PRKCA: variants seen among roughly 807,000 people sequenced by gnomAD.
PRKCA encodes the protein protein kinase C alpha type.
Under a neutral mutation model 87.0 loss-of-function variants are expected in PRKCA, and 27 were observed. That is an observed-to-expected ratio of 0.31 (90% CI 0.23 to 0.43). The LOEUF is 0.43. Ranked by LOEUF, PRKCA falls within the 20% of genes least tolerant of loss-of-function variation. The pLI is 1.00. For synonymous variants in PRKCA, 329 were observed against 311.1 expected, an observed-to-expected ratio of 1.06 and a Z score of -0.61; for missense variants, 518 against 852.3, an observed-to-expected ratio of 0.61 and a Z score of 4.88.
intron 11 of PRKCA, among the ~76,000 whole-genome samples, chr17:66,739,914 A>G (rs951050388): frequency 4.6e-5 from 7 of 152,140 alleles, no homozygotes; most frequent in South Asian, 2.1e-4. Flanking sequence ...AGAAGGAAGC[A>G]TGAAAGGAAA....
At chr17:66,393,263 T>C (rs564490238) in intron 2 of PRKCA, among the ~76,000 whole-genome samples, 24 of 152,148 alleles carry the variant, frequency 1.6e-4, no homozygotes, top group Non-Finnish European at 2.6e-4. Context: ...TGACTTTACA[T>C]TGGAGGAAGA....
intron 2 of PRKCA, among the ~76,000 whole-genome samples, chr17:66,336,467 G>A (rs745596642): frequency 6.6e-6 from 1 of 152,150 alleles, no homozygotes. Context: ...GGAGCTCAAG[G>A]AAGAAGGAAT....
chr17:66,509,399 T>G (rs1273495952), intron 3 of PRKCA, among the ~76,000 whole-genome samples: 1 of 152,044 alleles, frequency 6.6e-6, no homozygotes, highest in African/African-American at 2.4e-5. Context: ...GCAGGCAAGC[T>G]TAAGACATCA....
At chr17:66,785,452 A>G (rs1365398816) in intron 14 of PRKCA, among the ~76,000 whole-genome samples, 2 of 152,310 alleles carry the variant, frequency 1.3e-5, no homozygotes, top group Middle Eastern at 3.4e-3. Flanking sequence ...AGAAAGGAAC[A>G]TCTCAAGATT....
chr17:66,389,386 G>T (rs974467774), intron 2 of PRKCA, among the ~76,000 whole-genome samples: 1 of 152,186 alleles, frequency 6.6e-6, no homozygotes, highest in African/African-American at 2.4e-5. Flanking sequence ...CAGGCTGACC[G>T]CAGCTAGACT....
At chr17:66,407,415 T>C (rs1223983464) in intron 2 of PRKCA, among the ~76,000 whole-genome samples, 1 of 152,160 alleles carries the variant, frequency 6.6e-6, no homozygotes, top group African/African-American at 2.4e-5. Flanking sequence ...CCGGCTTTGC[T>C]TTCTGCCATG....
chr17:66,323,454 A>G (rs971895646), intron 2 of PRKCA, among the ~76,000 whole-genome samples: 1 of 152,212 alleles, frequency 6.6e-6, no homozygotes, highest in African/African-American at 2.4e-5. Flanking sequence ...AAAATGGTTT[A>G]TGTTAAATTT....
At chr17:66,608,668 G>A (rs561597045) in intron 3 of PRKCA, among the ~76,000 whole-genome samples, 4 of 152,258 alleles carry the variant, frequency 2.6e-5, no homozygotes, top group South Asian at 2.1e-4. Flanking sequence ...CGTTATGGAC[G>A]TGATGAATGA....
intron 2 of PRKCA, among the ~76,000 whole-genome samples, chr17:66,353,641 G>A (rs999524492): frequency 3.9e-5 from 6 of 152,156 alleles, no homozygotes; most frequent in Non-Finnish European, 8.8e-5. Context: ...GCTTGAACCC[G>A]GGAGGCGGAG....
chr17:66,722,765 AC>A (rs1973645929), intron 8 of PRKCA, among the ~76,000 whole-genome samples: 1 of 152,186 alleles, frequency 6.6e-6, no homozygotes, highest in Non-Finnish European at 1.5e-5. Flanking sequence ...TTTTTGAGGA[AC>A]CTAAAAATCC....
chr17:66,383,956 A>C (rs1909908379), intron 2 of PRKCA, among the ~76,000 whole-genome samples: 1 of 152,158 alleles, frequency 6.6e-6, no homozygotes, highest in Admixed American at 6.5e-5. Context: ...TCTCAAAAAA[A>C]AAAAAATTGT....
intron 3 of PRKCA, among the ~76,000 whole-genome samples, chr17:66,519,378 T>C (rs1967080526): frequency 6.6e-6 from 1 of 152,214 alleles, no homozygotes; most frequent in South Asian, 2.1e-4. Flanking sequence ...GCTTGTAAGA[T>C]GGTCCAGTCA....
At chr17:66,713,114 C>G (rs1225183256) in intron 8 of PRKCA, among the ~76,000 whole-genome samples, 1 of 131,980 alleles carries the variant, frequency 7.6e-6, no homozygotes, top group East Asian at 2.3e-4. Context: ...CGCAATGGTG[C>G]AATCTTGGCT....
intron 2 of PRKCA, among the ~76,000 whole-genome samples, chr17:66,374,319 G>A (rs1555593866): frequency 2.0e-5 from 3 of 152,196 alleles, no homozygotes; most frequent in Non-Finnish European, 2.9e-5. Context: ...ACTGCTGTCT[G>A]TGGCTTCAGT....
At chr17:66,662,652 A>ATTTTG (rs1971938467) in intron 5 of PRKCA, among the ~76,000 whole-genome samples, 1 of 150,820 alleles carries the variant, frequency 6.6e-6, no homozygotes, top group Non-Finnish European at 1.5e-5. Flanking sequence ...TTCTTGTTTG[A>ATTTTG]TTTTGTTTTG....
chr17:66,794,971 G>A (rs148683141), intron 16 of PRKCA, among the ~76,000 whole-genome samples: 2 of 152,092 alleles, frequency 1.3e-5, no homozygotes, highest in African/African-American at 4.8e-5. Context: ...CATCTGTTAG[G>A]TTGGAGCAAA....
chr17:66,433,350 T>A (rs781485975), intron 2 of PRKCA, among the ~76,000 whole-genome samples: 13 of 152,244 alleles, frequency 8.5e-5, no homozygotes, highest in Non-Finnish European at 1.5e-4. Context: ...CCACTGAAGT[T>A]TCCTATAAAC....
chr17:66,690,235 G>A (rs909664711), intron 8 of PRKCA, among the ~76,000 whole-genome samples: 19 of 152,224 alleles, frequency 1.2e-4, no homozygotes, highest in African/African-American at 4.6e-4. Context: ...CTAAATGGCA[G>A]GGGCTCTTTG....
chr17:66,748,529 C>T (rs1411458973), intron 13 of PRKCA, among the ~76,000 whole-genome samples: 2 of 152,120 alleles, frequency 1.3e-5, no homozygotes, highest in Non-Finnish European at 2.9e-5. Flanking sequence ...GGCAAATGTT[C>T]ATGAAGTCAG....
Sources: gnomAD v4.1 joint callset for allele counts (sites outside exome capture counted in the v4.1 genomes callset) on GRCh38, gnomAD v4.1.1 for gene constraint, MANE v1.5 for transcripts, NCBI Gene and HGNC (gene_info 2026-07-23, HGNC 2026-07-21) for gene names.